Variants in SUGCT observed in about 807,000 individuals in gnomAD.
SUGCT encodes succinyl-CoA:glutarate CoA-transferase.
SUGCT carries 41 observed loss-of-function variants against 55.0 expected under a neutral mutation model. The ratio of observed to expected loss-of-function variants is 0.74; its 90% CI spans 0.58 to 0.97. SUGCT has a LOEUF of 0.97. SUGCT is among the 50% of genes least tolerant of loss of function. SUGCT has a pLI of 0.00. For missense variants in SUGCT, 568 were observed against 547.8 expected (o/e 1.04, Z -0.37); for synonymous variants, 187 against 200.4 (o/e 0.93, Z 0.56).
At chr7:40,907,332 A>T in the SUGCT span, among the ~76,000 whole-genome samples, 2 of 152,154 alleles carry the variant, frequency 1.3e-5, no homozygotes, top group South Asian at 2.1e-4. Context: ...ACATAATTCT[A>T]TAAGGGGTGG....
At chr7:40,571,773 C>G (rs1313603379) in intron 12 of SUGCT, among the ~76,000 whole-genome samples, 1 of 152,152 alleles carries the variant, frequency 6.6e-6, no homozygotes, top group Non-Finnish European at 1.5e-5. Context: ...TTGCTTAAAA[C>G]TAAAGTGTGA....
intron 9 of SUGCT, among the ~76,000 whole-genome samples, chr7:40,365,036 C>T (rs1454056715): frequency 3.3e-5 from 5 of 152,100 alleles, no homozygotes; most frequent in Non-Finnish European, 7.3e-5. Context: ...AAACCGAATC[C>T]AGCAGCACAT....
chr7:40,635,450 G>T (rs541053273), intron 12 of SUGCT, among the ~76,000 whole-genome samples: 1 of 152,240 alleles, frequency 6.6e-6, no homozygotes, highest in South Asian at 2.1e-4. Context: ...GTGAAGAAAA[G>T]ACAATATACA....
chr7:40,778,915 C>T (rs1157190151), intron 13 of SUGCT, among the ~76,000 whole-genome samples: 2 of 152,184 alleles, frequency 1.3e-5, no homozygotes, highest in Admixed American at 1.3e-4. Flanking sequence ...GTCCATTTCT[C>T]CAGCCCTTTG....
At chr7:40,420,539 A>G (rs1280210609) in intron 9 of SUGCT, among the ~76,000 whole-genome samples, 1 of 151,954 alleles carries the variant, frequency 6.6e-6, no homozygotes, top group African/African-American at 2.4e-5. Flanking sequence ...ACGTTTCACC[A>G]TGTTGGCCAG....
rs1162865298 is a variant in SUGCT at position 40,423,548 on chromosome 7, TA to T, written c.817-25731del. On this transcript the variant is annotated intron_variant, in intron 9 of 13. Transcript: ENST00000335693. ...CCGTTGCTTTCCATTTCTTTTCACTTAAAAAAAATTTTTACTAAGAACACAC... is the reference window on the plus strand; with the variant it reads ...CCGTTGCTTTCCATTTCTTTTCACTTAAAAAAATTTTTACTAAGAACACAC... Among the ~76,000 whole-genome samples, 5 of 152,154 alleles carry T rather than the reference TA, an allele frequency of 3.3e-5. No homozygotes were observed. In the East Asian group the frequency reaches 5.8e-4, roughly 18 times the overall value.
chr7:40,902,075 C>CT, the SUGCT span, among the ~76,000 whole-genome samples: 3 of 152,144 alleles, frequency 2.0e-5, no homozygotes, highest in Admixed American at 6.5e-5. Context: ...TCACCTTCAA[C>CT]TTTAACAGCC....
intron 12 of SUGCT, among the ~76,000 whole-genome samples, chr7:40,512,003 T>A (rs1792959759): frequency 6.6e-6 from 1 of 152,224 alleles, no homozygotes; most frequent in Non-Finnish European, 1.5e-5. Context: ...TGATCCCTTG[T>A]CAAGAATTTA....
chr7:40,277,451 A>G (rs1792589259), intron 8 of SUGCT, among the ~76,000 whole-genome samples: 3 of 152,020 alleles, frequency 2.0e-5, no homozygotes, highest in African/African-American at 7.2e-5. Context: ...CAGCCTCCCA[A>G]AGTGCTGGGA....
At chr7:40,325,122 G>A (rs970575996) in intron 9 of SUGCT, among the ~76,000 whole-genome samples, 1 of 152,180 alleles carries the variant, frequency 6.6e-6, no homozygotes, top group Non-Finnish European at 1.5e-5. Flanking sequence ...TTGAAGATAT[G>A]CAGTACTTTG....
At chr7:40,164,974 A>G (rs1168323203) in intron 1 of SUGCT, among the ~76,000 whole-genome samples, 1 of 152,172 alleles carries the variant, frequency 6.6e-6, no homozygotes, top group African/African-American at 2.4e-5. Flanking sequence ...AAAATTTCCT[A>G]TCAAACTAGG....
rs557829752 is a variant in SUGCT, at chr7:40,298,496, C to T, written c.721-18264C>T. 2.0e-5 allele frequency among the ~76,000 whole-genome samples: 3 copies of T among 152,052 alleles called. 1 individual carries two copies. The South Asian group carries it at 6.2e-4, about 32-fold the overall frequency. ...GAAGTGGTTTTTGAACAATAATTTT[C>T]TTTTAGTGGGTAGGACTATGAAGTT... is the stretch of plus-strand genomic sequence containing the variant. On this transcript the variant is annotated intron_variant, in intron 8 of 13. Coordinates refer to ENST00000335693, the MANE Select transcript of SUGCT (RefSeq NM_001193313.2).
chr7:40,476,988 C>T (rs1159187155), intron 11 of SUGCT, among the ~76,000 whole-genome samples: 1 of 152,050 alleles, frequency 6.6e-6, no homozygotes, highest in East Asian at 1.9e-4. Context: ...CAAATGTCGG[C>T]TTTTAATATC....
At chr7:40,331,094 G>A (rs535924319) in intron 9 of SUGCT, among the ~76,000 whole-genome samples, 2 of 152,002 alleles carry the variant, frequency 1.3e-5, no homozygotes, top group East Asian at 1.9e-4. Context: ...AAAAAATCTC[G>A]TAATATTGTA....
At chr7:40,357,337 A>G (rs769592707) in intron 9 of SUGCT, among the ~76,000 whole-genome samples, 10 of 152,224 alleles carry the variant, frequency 6.6e-5, no homozygotes, top group Non-Finnish European at 1.0e-4. Flanking sequence ...AAAAAAATTC[A>G]TCTTCCAATG....
the SUGCT span, among the ~76,000 whole-genome samples, chr7:41,037,428 T>TA: frequency 3.6e-3 from 516 of 143,296 alleles, 1 homozygote; most frequent in African/African-American, 0.012. Context: ...AATGATACTT[T>TA]AAAAAAAAAA....
intron 11 of SUGCT, among the ~76,000 whole-genome samples, chr7:40,487,933 C>T (rs1241115403): frequency 6.6e-6 from 1 of 151,772 alleles, no homozygotes; most frequent in East Asian, 1.9e-4. Context: ...CAGCATACTA[C>T]AAGAGAAAGA....
chr7:40,306,679 TGAAACA>T (rs1316766418), intron 8 of SUGCT, among the ~76,000 whole-genome samples: 7 of 152,210 alleles, frequency 4.6e-5, no homozygotes, highest in Non-Finnish European at 1.0e-4. Flanking sequence ...AGAAGACACT[TGAAACA>T]GAAGACTTGC....
chr7:40,802,261 T>C (rs1054762224), intron 13 of SUGCT, among the ~76,000 whole-genome samples: 14 of 152,034 alleles, frequency 9.2e-5, no homozygotes, highest in African/African-American at 2.9e-4. Flanking sequence ...AAATGAATTT[T>C]TTTTCTCTAT....
Sources: gnomAD v4.1 joint callset for allele counts (sites outside exome capture counted in the v4.1 genomes callset) on GRCh38, gnomAD v4.1.1 for gene constraint, MANE v1.5 for transcripts, NCBI Gene and HGNC (gene_info 2026-07-23, HGNC 2026-07-21) for gene names.